The following HIVEP2 variants were observed in gnomAD, a reference collection of about 807,000 sequenced individuals.
HIVEP2 encodes the protein transcription factor HIVEP2.
A neutral mutation model predicts 180.7 loss-of-function variants in HIVEP2; 14 were observed. The observed-to-expected ratio is 0.08, with a 90% CI of 0.05 to 0.12. The LOEUF (loss-of-function observed/expected upper bound fraction) is 0.12. HIVEP2 is among the 10% of genes least tolerant of loss of function. The pLI is 1.00. For missense variants in HIVEP2, 2,579 were observed against 3,008.5 expected (o/e 0.86, Z 3.34); for synonymous variants, 1,184 against 1,136.4 (o/e 1.04, Z -0.84).
chr6:142,925,744 A>G (rs954471319), intron 1 of HIVEP2, among the ~76,000 whole-genome samples: 1 of 152,246 alleles, frequency 6.6e-6, no homozygotes, highest in Admixed American at 6.5e-5. Context: ...GGTTAGCTTC[A>G]TGACTCAGTT....
chr6:142,914,266 T>C (rs773009662), intron 1 of HIVEP2, among the ~76,000 whole-genome samples: 1 of 152,194 alleles, frequency 6.6e-6, no homozygotes, highest in Non-Finnish European at 1.5e-5. Context: ...GAAATCAGAA[T>C]GTGTCTTACT....
In HIVEP2 at chr6:142,771,679, G is replaced by C. The variant is rs1220899222; in HGVS notation, c.3060C>G (p.Gly1020=). ...PAGSYSLSVP[G]HHHQKEMRRC... is the part of the protein sequence containing the mutation. ...GTCGCATCTCTTTCTGGTGGTGATG[G>C]CCTGGGACAGACAATGAGTATGAAC... Residue 1020 remains glycine, a synonymous_variant, in exon 5 of 10, where the codon GGC becomes GGG. Transcript: ENST00000367603. The surrounding 1 kb of genome is among the most constrained non-coding windows in gnomAD (Gnocchi z 5.4). 1 of 1,614,030 alleles carries C rather than the reference G, an allele frequency of 6.2e-7. No individual in the cohort carries two copies. The highest frequency in any genetic ancestry group is 8.5e-7 in the Non-Finnish European group (1 of 1,180,020).
chr6:142,817,980 T>C (rs1422287983), intron 2 of HIVEP2, among the ~76,000 whole-genome samples: 1 of 149,522 alleles, frequency 6.7e-6, no homozygotes, highest in South Asian at 2.1e-4. Context: ...CACTCCAGCC[T>C]GGTCAACAGA....
intron 1 of HIVEP2, among the ~76,000 whole-genome samples, chr6:142,939,192 CT>C (rs1420596588): frequency 2.0e-5 from 3 of 152,044 alleles, no homozygotes; most frequent in African/African-American, 7.2e-5. Flanking sequence ...ATTTTAATCA[CT>C]TTTGTTACTT....
At position 142,753,857 on chromosome 6, in the gene HIVEP2, T is replaced by C. The variant is rs1369511639; in HGVS notation, c.6591A>G (p.Pro2197=). ...YGDQEGAYEH[P]GSSLFPEGPN... ...GACCCTCAGGGAAAAGGCTGGAGCC[T>C]GGATGTTCATAAGCACCTTCTTGGT... The change falls in exon 10 of 10, where the codon CCA becomes CCG. Residue 2197 remains proline (P), a synonymous_variant. Coordinates refer to ENST00000367603, the MANE Select transcript of HIVEP2 (RefSeq NM_006734.4). The C allele has an allele frequency of 2.5e-6, 4 of 1,613,578 alleles. No individual in the cohort carries two copies. The highest frequency in any genetic ancestry group is 3.4e-6 in the Non-Finnish European group (4 of 1,179,616).
chr6:142,785,028 C>T (rs1449418298), intron 2 of HIVEP2, among the ~76,000 whole-genome samples: 2 of 151,920 alleles, frequency 1.3e-5, no homozygotes, highest in Admixed American at 1.3e-4. Flanking sequence ...GCTGGGACTA[C>T]AGGCACCCAC....
chr6:142,838,282 A>T (rs1490702914), intron 1 of HIVEP2, among the ~76,000 whole-genome samples: 1 of 152,144 alleles, frequency 6.6e-6, no homozygotes, highest in Non-Finnish European at 1.5e-5. Flanking sequence ...TCTTACTGCT[A>T]TTCAAGAAAC....
chr6:142,938,975 A>G (rs1440859971), intron 1 of HIVEP2, among the ~76,000 whole-genome samples: 2 of 152,226 alleles, frequency 1.3e-5, no homozygotes, highest in Non-Finnish European at 2.9e-5. Context: ...CATTCCTTAT[A>G]CATGTATCCC....
intron 2 of HIVEP2, among the ~76,000 whole-genome samples, chr6:142,820,002 G>A (rs770236418): frequency 3.9e-5 from 6 of 152,050 alleles, no homozygotes; most frequent in Admixed American, 6.6e-5. Flanking sequence ...AAGGAGAGGC[G>A]GCTGGAGCAC....
In HIVEP2 at chr6:142,773,670, T is replaced by C. The variant is rs775795556; in HGVS notation, c.1069A>G (p.Thr357Ala). 1.4e-5 allele frequency: 22 copies of C among 1,614,076 alleles called. No individual in the cohort carries two copies. In the South Asian group the frequency reaches 2.3e-4, roughly 17 times the overall value. Residue 357 changes from threonine to alanine, a missense_variant, in exon 5 of 10, where the codon ACT (threonine) becomes GCT (alanine). This residue lies in a region of HIVEP2 where 47 missense variants were observed against 92.5 expected (regional missense o/e 0.51). Transcript: ENST00000367603. ...ACTGTGTGCGAATCATCAGCCTTAG[T>C]ATTTAAAGATGGATTTGGTAGCATA... ...PDMLPNPSLN[T>A]KADDSHTVKQ...
intron 3 of HIVEP2, among the ~76,000 whole-genome samples, chr6:142,779,083 G>C (rs1775776046): frequency 6.6e-6 from 1 of 152,056 alleles, no homozygotes; most frequent in Non-Finnish European, 1.5e-5. Flanking sequence ...GTTTTCTTTT[G>C]TTCTTTGAAA....
intron 1 of HIVEP2, among the ~76,000 whole-genome samples, chr6:142,885,352 C>A (rs1365097677): frequency 6.6e-6 from 1 of 152,004 alleles, no homozygotes; most frequent in Non-Finnish European, 1.5e-5. Context: ...TTCTCTCGTC[C>A]CTCCCCCATC....
intron 1 of HIVEP2, among the ~76,000 whole-genome samples, chr6:142,844,510 G>A (rs1775455859): frequency 1.3e-5 from 2 of 152,062 alleles, no homozygotes; most frequent in Non-Finnish European, 2.9e-5. Flanking sequence ...CAAATCTTAT[G>A]TTTCACATTA....
intron 1 of HIVEP2, among the ~76,000 whole-genome samples, chr6:142,941,576 C>T (rs993264283): frequency 6.6e-6 from 1 of 152,146 alleles, no homozygotes; most frequent in Admixed American, 6.5e-5. Flanking sequence ...CAGTACAGCC[C>T]TCACTTGAAT....
intron 2 of HIVEP2, among the ~76,000 whole-genome samples, chr6:142,796,526 A>G (rs1776282682): frequency 6.6e-6 from 1 of 152,100 alleles, no homozygotes; most frequent in African/African-American, 2.4e-5. Flanking sequence ...ACTGTACTGT[A>G]TTTATTGATC....
chr6:142,860,407 G>A (rs935396111), intron 1 of HIVEP2, among the ~76,000 whole-genome samples: 14 of 152,128 alleles, frequency 9.2e-5, no homozygotes, highest in South Asian at 2.1e-4. Context: ...ATGGACTGGC[G>A]GCAGGCAGGG....
intron 1 of HIVEP2, among the ~76,000 whole-genome samples, chr6:142,862,350 T>C (rs1426214729): frequency 6.6e-6 from 1 of 150,710 alleles, no homozygotes. Flanking sequence ...ATACATCTAT[T>C]ATATATGTAA....
In HIVEP2 at chr6:142,753,633, G is replaced by C; in HGVS notation, c.6815C>G (p.Ser2272Cys). 1.9e-6 allele frequency: 3 copies of C among 1,614,218 alleles called. No individual in the cohort carries two copies. Among genetic ancestry groups the C allele is most frequent in the Non-Finnish European group, 2.5e-6 (3 of 1,180,036 alleles). ...EKKGASGESF[S>C]KDPYVLSKQH... ...CTTAGAAAGCACATAGGGGTCCTTG[G>C]AGAAGGACTCCCCTGACGCGCCTTT... Residue 2272 changes from serine (S) to cysteine (C), a missense_variant, in exon 10 of 10, where the codon TCC (serine) becomes TGC (cysteine). Coordinates refer to ENST00000367603, the MANE Select transcript of HIVEP2 (RefSeq NM_006734.4).
At chr6:142,916,665 TTTATAA>T (rs1468302717) in intron 1 of HIVEP2, among the ~76,000 whole-genome samples, 1 of 152,150 alleles carries the variant, frequency 6.6e-6, no homozygotes, top group Non-Finnish European at 1.5e-5. Flanking sequence ...AAAAGCATAA[TTTATAA>T]TTATAAGAGT....
Sources: allele counts gnomAD v4.1 joint callset (sites outside exome capture counted in the v4.1 genomes callset), GRCh38; gene constraint gnomAD v4.1.1; regional missense constraint gnomAD v4.1.1; non-coding constraint Gnocchi (gnomAD v3.1); transcripts MANE v1.5; gene names NCBI Gene and HGNC (gene_info 2026-07-23, HGNC 2026-07-21).